LMF1: variants seen among roughly 807,000 people sequenced by gnomAD.
LMF1 encodes transmembrane protein 112.
Under a neutral mutation model 60.6 loss-of-function variants are expected in LMF1, and 68 were observed. That is an observed-to-expected ratio of 1.12 (90% CI 0.92 to 1.37). The LOEUF (loss-of-function observed/expected upper bound fraction) is 1.37, where lower values mean the gene tolerates loss of function less well. LMF1 is among the 40% of genes most tolerant of loss of function. LMF1 has a pLI of 0.00. For missense variants in LMF1, 948 were observed against 767.2 expected (o/e 1.24, Z -2.78); for synonymous variants, 418 against 324.7 (o/e 1.29, Z -3.09).
At chr16:889,216 C>T (rs1170569232) in intron 5 of LMF1, among the ~76,000 whole-genome samples, 1 of 152,244 alleles carries the variant, frequency 6.6e-6, no homozygotes. Flanking sequence ...GGTCGCCTTT[C>T]ACCCTCCAGG....
In LMF1 at chr16:867,757, A is replaced by AC. The variant is rs549758275; in HGVS notation, c.1529+1186dup. On this transcript the variant is annotated intron_variant, in intron 10 of 10. Transcript: ENST00000262301. ...CCTGAGGCCGGGCCCATGAGGAGGG[A>AC]CCCCATAGCCCCTCTGCCCCAGCTC... 5.9e-3 allele frequency among the ~76,000 whole-genome samples: 892 copies of AC among 152,070 alleles called. 10 individuals are homozygous for AC. Among genetic ancestry groups the AC allele is most frequent in the African/African-American group, 0.02 (840 of 41,506 alleles).
chr16:955,007 G>A (rs553671485), intron 1 of LMF1, among the ~76,000 whole-genome samples: 4 of 150,526 alleles, frequency 2.7e-5, no homozygotes, highest in African/African-American at 9.7e-5. Context: ...TAAAATGCGT[G>A]CCTGCAGCAG....
At chr16:953,019 A>G (rs1597065294) in intron 2 of LMF1, among the ~76,000 whole-genome samples, 3 of 39,132 alleles carry the variant, frequency 7.7e-5, no homozygotes, top group African/African-American at 6.1e-4. Context: ...CCAGCCTCCT[A>G]CATATCCACA....
chr16:876,164 G>A (rs1029849138), intron 6 of LMF1, among the ~76,000 whole-genome samples: 14 of 152,372 alleles, frequency 9.2e-5, no homozygotes, highest in Non-Finnish European at 1.3e-4. Context: ...GGGCACGTGC[G>A]GACCACGGGC....
intron 2 of LMF1, among the ~76,000 whole-genome samples, chr16:945,974 T>C (rs990715259): frequency 3.9e-5 from 6 of 152,200 alleles, no homozygotes; most frequent in African/African-American, 1.4e-4. Flanking sequence ...AATGTTTCTC[T>C]TGTTATGCAG....
chr16:959,739 G>C (rs559270417), intron 1 of LMF1, among the ~76,000 whole-genome samples: 10 of 152,248 alleles, frequency 6.6e-5, no homozygotes, highest in Non-Finnish European at 1.5e-4. Flanking sequence ...GACAATTCTC[G>C]CACGTGCACC....
chr16:889,021 C>T (rs551244064), intron 5 of LMF1, among the ~76,000 whole-genome samples: 4 of 152,224 alleles, frequency 2.6e-5, no homozygotes, highest in Non-Finnish European at 4.4e-5. Flanking sequence ...AGCAAGCGGC[C>T]GTCCATGCAT....
rs2069591038 is a variant in LMF1 at position 865,645 on chromosome 16, G to A, written c.1529+3299C>T. 2.0e-5 allele frequency among the ~76,000 whole-genome samples: 3 copies of A among 152,258 alleles called. No individual in the cohort carries two copies. The East Asian group carries it at 5.8e-4, about 29-fold the overall frequency. ...TTTCTTTGGGTTTTTCCTATTTAGG[G>A]TTTGCTCAGTTTATTGACTCGGTAG... is the stretch of plus-strand genomic sequence containing the variant. On this transcript the variant is annotated intron_variant, in intron 10 of 10. Coordinates refer to ENST00000262301, the MANE Select transcript of LMF1 (RefSeq NM_022773.4).
At chr16:881,549 A>G (rs2070163600) in intron 5 of LMF1, 1 of 152,192 alleles carries the variant, frequency 6.6e-6, no homozygotes, top group Non-Finnish European at 1.5e-5. Context: ...GGAAAGAGTG[A>G]AGGGGATGAC....
chr16:861,048 G>A (rs1050699950), intron 10 of LMF1, among the ~76,000 whole-genome samples: 2 of 151,722 alleles, frequency 1.3e-5, no homozygotes, highest in Admixed American at 1.3e-4. Context: ...CATTAAACCT[G>A]TCCATCAATC....
At chr16:932,235 G>T (rs895405223) in intron 3 of LMF1, among the ~76,000 whole-genome samples, 1 of 152,208 alleles carries the variant, frequency 6.6e-6, no homozygotes, top group Non-Finnish European at 1.5e-5. Context: ...GCGGGGGCAC[G>T]GGGAGGGTGG....
At chr16:964,819 G>A (rs1051621067) in intron 1 of LMF1, among the ~76,000 whole-genome samples, 16 of 152,340 alleles carry the variant, frequency 1.1e-4, no homozygotes, top group South Asian at 4.1e-4. Context: ...CAAGGGCTGC[G>A]GTGAGACTCA....
intron 10 of LMF1, among the ~76,000 whole-genome samples, chr16:865,187 T>C (rs577366670): frequency 4.6e-5 from 7 of 152,338 alleles, no homozygotes; most frequent in African/African-American, 1.7e-4. Context: ...AAGTTAAGCA[T>C]AGAAACCTCA....
chr16:981,353 T>TAA, upstream of LMF1: 1 of 127,952 alleles, frequency 7.8e-6, no homozygotes, highest in South Asian at 1.2e-4. Flanking sequence ...AGAGAGTGTG[T>TAA]GTGTGTGTGT....
chr16:909,884 G>A (rs889370593), intron 4 of LMF1, among the ~76,000 whole-genome samples: 3 of 152,272 alleles, frequency 2.0e-5, no homozygotes, highest in Non-Finnish European at 2.9e-5. Context: ...CACTCTGGCC[G>A]TGGCCCTGGC....
intron 1 of LMF1, among the ~76,000 whole-genome samples, chr16:955,724 G>A (rs1177775690): frequency 6.6e-6 from 1 of 152,196 alleles, no homozygotes; most frequent in African/African-American, 2.4e-5. Flanking sequence ...GTAGACATGT[G>A]TATATAAATT....
chr16:931,941 G>A (rs943310036), intron 3 of LMF1: 2 of 640,516 alleles, frequency 3.1e-6, no homozygotes, highest in South Asian at 3.6e-5. Flanking sequence ...ACGCTCACCT[G>A]AAAACACCCA....
intron 4 of LMF1, chr16:899,731 G>GGCAGGCTCGGGGGTGAA: frequency 6.6e-6 from 1 of 152,360 alleles, no homozygotes; most frequent in Non-Finnish European, 1.5e-5. Context: ...CGGACCCTCT[G>GGCAGGCTCGGGGGTGAA]GCAGGCTCGG....
rs138911395 is a variant in LMF1, at chr16:869,859, C to T, written c.1416+24G>A. 1.9e-3 allele frequency: 2,998 copies of T among 1,600,270 alleles called. 48 individuals carry two copies. The African/African-American group carries it at 0.031, about 17-fold the overall frequency. On this transcript the variant is annotated intron_variant, in intron 9 of 10. Coordinates refer to ENST00000262301, the MANE Select transcript of LMF1 (RefSeq NM_022773.4). ...AGGGTGGGGTACAGGCAGGTCCATGCGCCCGCCAGGGACCGTCCCCCACCT... is the reference window on the plus strand; with the variant it reads ...AGGGTGGGGTACAGGCAGGTCCATGTGCCCGCCAGGGACCGTCCCCCACCT...
Sources: gnomAD v4.1 joint callset for allele counts (sites outside exome capture counted in the v4.1 genomes callset) on GRCh38, gnomAD v4.1.1 for gene constraint, MANE v1.5 for transcripts, NCBI Gene and HGNC (gene_info 2026-07-23, HGNC 2026-07-21) for gene names.